Variants in AGBL4 observed in about 807,000 individuals in gnomAD.
AGBL4 encodes AGBL carboxypeptidase 4.
AGBL4 carries 58 observed loss-of-function variants against 66.4 expected under a neutral mutation model. The observed-to-expected ratio is 0.87, with a 90% CI of 0.71 to 1.09. The LOEUF (loss-of-function observed/expected upper bound fraction) is 1.09, where lower values mean the gene tolerates loss of function less well. Ranked by LOEUF, AGBL4 falls within the 50% of genes least tolerant of loss-of-function variation. The pLI is 0.00. For synonymous variants in AGBL4, 234 were observed against 222.9 expected, an observed-to-expected ratio of 1.05 and a Z score of -0.44; for missense variants, 579 against 631.0, an observed-to-expected ratio of 0.92 and a Z score of 0.88.
chr1:49,264,568 C>T (rs866316663), intron 3 of AGBL4, among the ~76,000 whole-genome samples: 37 of 150,128 alleles, frequency 2.5e-4, no homozygotes, highest in Middle Eastern at 3.2e-3. Context: ...TTTTTTGAGA[C>T]GGAGTCTCAC....
chr1:49,692,991 T>C (rs1045899109), intron 3 of AGBL4, among the ~76,000 whole-genome samples: 8 of 152,232 alleles, frequency 5.3e-5, no homozygotes, highest in African/African-American at 1.9e-4. Flanking sequence ...ATGTCTCATG[T>C]TATTGCTGGA....
chr1:49,097,851 G>C lies in AGBL4; in HGVS notation c.378-52051C>G, dbSNP rs1025016739. On this transcript the variant is annotated intron_variant, in intron 4 of 13. Coordinates refer to ENST00000371839, the MANE Select transcript of AGBL4 (RefSeq NM_032785.4). ...CCACCATGGCCTCCCTAAGTGCTGG[G>C]ATTACAGGCATGAGCCACTGTGCCA... 2.6e-5 allele frequency among the ~76,000 whole-genome samples: 4 copies of C among 152,218 alleles called. No individual in the cohort carries two copies. The South Asian group carries it at 8.3e-4, about 31-fold the overall frequency.
chr1:48,998,750 C>G (rs1345801099), intron 5 of AGBL4, among the ~76,000 whole-genome samples: 1 of 152,134 alleles, frequency 6.6e-6, no homozygotes, highest in African/African-American at 2.4e-5. Context: ...GTAGACTGCT[C>G]AATTCAGAAC....
At chr1:49,561,993 T>G (rs960863897) in intron 3 of AGBL4, among the ~76,000 whole-genome samples, 3 of 152,144 alleles carry the variant, frequency 2.0e-5, no homozygotes, top group East Asian at 1.9e-4. Context: ...TTTTAATGAC[T>G]GCCATTCTAA....
At chr1:49,305,044 T>TA (rs1389173726) in intron 3 of AGBL4, among the ~76,000 whole-genome samples, 1 of 152,194 alleles carries the variant, frequency 6.6e-6, no homozygotes, top group Non-Finnish European at 1.5e-5. Context: ...TTACTGTCTT[T>TA]ACAGAATAGA....
At chr1:49,568,930 C>T (rs1054607505) in intron 3 of AGBL4, among the ~76,000 whole-genome samples, 10 of 152,218 alleles carry the variant, frequency 6.6e-5, no homozygotes, top group East Asian at 3.9e-4. Flanking sequence ...TTTGCACTCC[C>T]GCGTTTGTTA....
At chr1:48,885,230 T>C (rs1202913785) in intron 5 of AGBL4, among the ~76,000 whole-genome samples, 2 of 152,228 alleles carry the variant, frequency 1.3e-5, no homozygotes, top group Non-Finnish European at 2.9e-5. Context: ...GTGGAAATTA[T>C]GTGAAATTCC....
At chr1:48,572,716 C>T (rs983177764) in intron 11 of AGBL4, among the ~76,000 whole-genome samples, 1 of 152,124 alleles carries the variant, frequency 6.6e-6, no homozygotes, top group Admixed American at 6.5e-5. Flanking sequence ...GTCTCCAGCC[C>T]CACAAAGATA....
chr1:49,261,929 C>A (rs1186404273), intron 3 of AGBL4, among the ~76,000 whole-genome samples: 1 of 150,510 alleles, frequency 6.6e-6, no homozygotes, highest in African/African-American at 2.4e-5. Context: ...GCTACAGTAA[C>A]CAAAACAGCA....
At chr1:49,529,209 T>C (rs1041786098) in intron 3 of AGBL4, among the ~76,000 whole-genome samples, 2 of 152,020 alleles carry the variant, frequency 1.3e-5, no homozygotes, top group Non-Finnish European at 2.9e-5. Context: ...GGTGATAAAT[T>C]TGAAGAGTAG....
At chr1:48,960,051 G>A (rs1657829072) in intron 5 of AGBL4, among the ~76,000 whole-genome samples, 1 of 152,122 alleles carries the variant, frequency 6.6e-6, no homozygotes, top group Non-Finnish European at 1.5e-5. Flanking sequence ...ATGAGGAAGA[G>A]CAGGAGAAGG....
chr1:49,035,419 G>A (rs1358460547), intron 5 of AGBL4, among the ~76,000 whole-genome samples: 1 of 152,134 alleles, frequency 6.6e-6, no homozygotes, highest in East Asian at 1.9e-4. Context: ...ACACTTGGAG[G>A]AGCCAAGAGG....
intron 9 of AGBL4, among the ~76,000 whole-genome samples, chr1:48,630,903 G>A (rs977699904): frequency 1.3e-5 from 2 of 152,160 alleles, no homozygotes; most frequent in Non-Finnish European, 1.5e-5. Flanking sequence ...CCTGACCTGA[G>A]CATCCCTCAT....
In AGBL4 at chr1:48,736,423, A is replaced by G. The variant is rs144029105; in HGVS notation, c.635-73182T>C. On this transcript the variant is annotated intron_variant, in intron 6 of 13. Transcript: ENST00000371839. The surrounding 1 kb of genome is among the most constrained non-coding windows in gnomAD (Gnocchi z 4.0). ...CTTGTAGCTGGTGCCATTTCTCCTC[A>G]TCAACCCAAATCCCGCTTCCCAGAT... 2 of 1,613,958 alleles carry G rather than the reference A, an allele frequency of 1.2e-6. No individual in the cohort carries two copies. Among genetic ancestry groups the G allele is most frequent in the Non-Finnish European group, 1.7e-6 (2 of 1,180,026 alleles).
chr1:48,974,977 C>G (rs181917658), intron 5 of AGBL4, among the ~76,000 whole-genome samples: 2 of 152,048 alleles, frequency 1.3e-5, no homozygotes, highest in Admixed American at 1.3e-4. Context: ...TATCTTGACT[C>G]CCACAGATCA....
intron 1 of AGBL4, among the ~76,000 whole-genome samples, chr1:49,883,347 T>C (rs990594614): frequency 6.6e-6 from 1 of 152,122 alleles, no homozygotes. Flanking sequence ...GCATAAAATG[T>C]CATCTCCTCT....
intron 2 of AGBL4, among the ~76,000 whole-genome samples, chr1:49,750,087 T>A (rs935850343): frequency 1.3e-5 from 2 of 152,110 alleles, no homozygotes; most frequent in Admixed American, 1.3e-4. Context: ...TAAACATTAA[T>A]CCTTACTGAA....
chr1:49,182,799 T>C (rs1321024338), intron 4 of AGBL4, among the ~76,000 whole-genome samples: 4 of 152,188 alleles, frequency 2.6e-5, no homozygotes, highest in Non-Finnish European at 4.4e-5. Context: ...TCTCATATAA[T>C]TTTATTTAGT....
intron 3 of AGBL4, among the ~76,000 whole-genome samples, chr1:49,408,622 G>A (rs1173750150): frequency 1.3e-5 from 2 of 152,220 alleles, no homozygotes; most frequent in Non-Finnish European, 2.9e-5. Context: ...GACTTGCTGA[G>A]TCTTAGGGCC....
Sources: gnomAD v4.1 joint callset for allele counts (sites outside exome capture counted in the v4.1 genomes callset) on GRCh38, gnomAD v4.1.1 for gene constraint, Gnocchi (gnomAD v3.1) non-coding constraint, MANE v1.5 for transcripts, NCBI Gene and HGNC (gene_info 2026-07-23, HGNC 2026-07-21) for gene names.